CYS1: variants seen among roughly 807,000 people sequenced by gnomAD.
CYS1 encodes cystin 1.
CYS1 carries 5 observed loss-of-function variants against 9.6 expected under a neutral mutation model. The ratio of observed to expected loss-of-function variants is 0.52; its 90% confidence interval spans 0.27 to 1.10. CYS1 has a LOEUF of 1.10. Among genes scored for constraint, CYS1 ranks in the 50% least tolerant of loss-of-function variants. The pLI, the probability that CYS1 is intolerant of heterozygous loss-of-function variation, is 0.11. For synonymous variants in CYS1, 88 were observed against 95.7 expected (o/e 0.92, Z 0.47); for missense variants, 221 against 207.9 (o/e 1.06, Z -0.39).
At chr2:10,074,940 C>T (rs533705701) in intron 1 of CYS1, among the ~76,000 whole-genome samples, 30 of 152,124 alleles carry the variant, frequency 2.0e-4, no homozygotes, top group Middle Eastern at 3.4e-3. Context: ...GGCGAAACCC[C>T]GTCTCTACTA....
In CYS1 at chr2:10,063,502, C is replaced by T. The variant is rs1452704158; in HGVS notation, c.371+2402G>A. Among the ~76,000 whole-genome samples, 5 of 152,310 alleles carry T rather than the reference C, an allele frequency of 3.3e-5. No individual in the cohort carries two copies. Among genetic ancestry groups the T allele is most frequent in the East Asian group, 1.9e-4 (1 of 5,182 alleles). On this transcript the variant is annotated intron_variant, in intron 2 of 2. Transcript: ENST00000381813. The surrounding 1 kb of genome is among the most constrained non-coding windows in gnomAD (Gnocchi z 4.2). ...CAACTTTGCTATATTTACTTTATCA[C>T]GTACTTATTTACTTCTTCATCTGAT...
rs543453001 is a variant in CYS1 at position 10,069,063 on chromosome 2, G to GA, written c.319-3108dup. Among the ~76,000 whole-genome samples, 435 of 143,004 alleles carry GA rather than the reference G, an allele frequency of 3.0e-3. 2 individuals carry two copies. Among genetic ancestry groups the GA allele is most frequent in the African/African-American group, 9.2e-3 (361 of 39,158 alleles). 93.8% of individuals were successfully genotyped at this position (143,004 alleles called of 152,430 possible). On this transcript the variant is annotated intron_variant, in intron 1 of 2. Transcript: ENST00000381813. The stretch of plus-strand genomic sequence containing the variant: ...GGTGACAGAGCGAGGCTCTGTCTCA[G>GA]AAAAAAAAAAAATTAAATTTTAAAA...
intron 1 of CYS1, among the ~76,000 whole-genome samples, chr2:10,068,860 C>T (rs1034822919): frequency 3.3e-5 from 5 of 152,050 alleles, no homozygotes. Flanking sequence ...TCAGGAGTTC[C>T]AGACCAGCCT....
rs1461164036 is a variant in CYS1 at position 10,076,113 on chromosome 2, C to T, written c.318+3793G>A. ...CTGAGACAGGAGAATTGCTTGAATC[C>T]TGGAGGCAGAGGTTGCAGTGAGCCG... On this transcript the variant is annotated intron_variant, in intron 1 of 2. Coordinates refer to ENST00000381813, the MANE Select transcript of CYS1 (RefSeq NM_001037160.3). The surrounding 1 kb of genome is among the most constrained non-coding windows in gnomAD (Gnocchi z 4.3). Among the ~76,000 whole-genome samples the T allele has an allele frequency of 1.3e-5, 2 of 152,164 alleles. No individual in the cohort carries two copies. Among genetic ancestry groups the T allele is most frequent in the Non-Finnish European group, 2.9e-5 (2 of 68,042 alleles).
At chr2:10,078,534 A>C (rs1661892153) in intron 1 of CYS1, among the ~76,000 whole-genome samples, 1 of 152,252 alleles carries the variant, frequency 6.6e-6, no homozygotes, top group Non-Finnish European at 1.5e-5. Flanking sequence ...GACATTAGGC[A>C]TGAGGTTCTC....
At chr2:10,074,469 C>T (rs1175538647) in intron 1 of CYS1, among the ~76,000 whole-genome samples, 3 of 152,146 alleles carry the variant, frequency 2.0e-5, no homozygotes, top group African/African-American at 4.8e-5. Flanking sequence ...CAACCTCCCC[C>T]GCCACTGTGG....
Position 10,080,265 on chromosome 2 carries a change from GAGGGGGCGCGGCCGGGGGCGGGGACGCT to G in CYS1, c.-70_-43del. 9.8e-7 allele frequency: 1 copy of G among 1,019,928 alleles called. No individual in the cohort carries two copies. Among genetic ancestry groups the G allele is most frequent in the Non-Finnish European group, 1.2e-6 (1 of 853,238 alleles). 63.2% of individuals were successfully genotyped at this position (1,019,928 alleles called of 1,614,324 possible). On this transcript the variant is annotated 5_prime_UTR_variant, in exon 1 of 3. Coordinates refer to ENST00000381813, the MANE Select transcript of CYS1 (RefSeq NM_001037160.3). This position sits in a 1 kb window ranked among gnomAD's most constrained non-coding sequence, Gnocchi z 6.4. ...CCCGGACCGCCGAGGGGGCCCCCATGAGGGGGCGCGGCCGGGGGCGGGGACGCTAGGGGGTGCGGCCGGGGCGGGCTGC... is the reference window on the plus strand; with the variant it reads ...CCCGGACCGCCGAGGGGGCCCCCATGAGGGGGTGCGGCCGGGGCGGGCTGC...
At chr2:10,066,039 G>A (rs756790430) in intron 1 of CYS1, 83 bp from the exon 2 acceptor site, 217 of 1,465,832 alleles carry the variant, frequency 1.5e-4, no homozygotes, top group Non-Finnish European at 1.9e-4. Flanking sequence ...GTGGACAGAC[G>A]ATGGCCACCA....
intron 1 of CYS1, among the ~76,000 whole-genome samples, chr2:10,071,584 A>C (rs1242409327): frequency 2.0e-5 from 3 of 152,150 alleles, no homozygotes; most frequent in Middle Eastern, 3.2e-3. Context: ...TCTGTGCCTG[A>C]GATTTTATTG....
intron 1 of CYS1, among the ~76,000 whole-genome samples, chr2:10,072,799 C>T (rs1192291987): frequency 6.6e-6 from 1 of 152,234 alleles, no homozygotes; most frequent in African/African-American, 2.4e-5. Flanking sequence ...TCCCAGTGCC[C>T]TGGGGAAGCT....
chr2:10,064,616 C>A (rs190775920), intron 2 of CYS1, among the ~76,000 whole-genome samples: 1 of 152,208 alleles, frequency 6.6e-6, no homozygotes, highest in Non-Finnish European at 1.5e-5. Flanking sequence ...CCTCCTACCA[C>A]CCCCACCTGT....
At chr2:10,062,358 A>C (rs1472795378) in intron 2 of CYS1, among the ~76,000 whole-genome samples, 1 of 151,932 alleles carries the variant, frequency 6.6e-6, no homozygotes, top group Admixed American at 6.6e-5. Context: ...TGAGGCAAGA[A>C]CATTTGTGTT....
chr2:10,064,827 C>T (rs1171113889), intron 2 of CYS1, among the ~76,000 whole-genome samples: 2 of 151,994 alleles, frequency 1.3e-5, no homozygotes, highest in African/African-American at 4.8e-5. Flanking sequence ...AAGTGATTCT[C>T]CTGCCTTAGC....
intron 1 of CYS1, among the ~76,000 whole-genome samples, chr2:10,069,689 T>A (rs547216638): frequency 2.2e-4 from 33 of 151,786 alleles, no homozygotes; most frequent in South Asian, 1.9e-3. Flanking sequence ...TAAAAAAAAT[T>A]TTTTTTTTAA....
chr2:10,080,145 C>T lies in CYS1; in HGVS notation c.79G>A (p.Ala27Thr). 9.6e-7 allele frequency: 1 copy of T among 1,046,660 alleles called. No individual in the cohort carries two copies. The highest frequency in any genetic ancestry group is 1.1e-6 in the Non-Finnish European group (1 of 872,332). 64.8% of individuals were successfully genotyped at this position (1,046,660 alleles called of 1,614,324 possible). Reference protein sequence around the residue: ...SPESLPAGPGAAALEGGTRRR... With the variant: ...SPESLPAGPGTAALEGGTRRR... The stretch of plus-strand genomic sequence containing the variant: ...CGGGTCCCGCCCTCCAGGGCTGCCG[C>T]TCCGGGCCCCGCGGGGAGGCTCTCG... Residue 27 changes from alanine to threonine, a missense_variant, in exon 1 of 3, where the codon GCG becomes ACG. By Grantham distance (58) the Ala-to-Thr change is moderately conservative. Coordinates refer to ENST00000381813, the MANE Select transcript of CYS1 (RefSeq NM_001037160.3). This position sits in a 1 kb window ranked among gnomAD's most constrained non-coding sequence, Gnocchi z 6.4.
At chr2:10,059,015 AT>A (rs1376783153) in intron 2 of CYS1, 57 bp from the exon 3 acceptor site, 1 of 1,478,178 alleles carries the variant, frequency 6.8e-7, no homozygotes, top group Non-Finnish European at 9.2e-7. Flanking sequence ...GTTCACACTC[AT>A]TTCCCCTGGC....
chr2:10,068,087 G>C (rs1176515317), intron 1 of CYS1, among the ~76,000 whole-genome samples: 1 of 152,080 alleles, frequency 6.6e-6, no homozygotes, highest in Non-Finnish European at 1.5e-5. Flanking sequence ...CCATCTCACT[G>C]ATCCTCTCTT....
chr2:10,070,341 T>C (rs1170936052), intron 1 of CYS1, among the ~76,000 whole-genome samples: 1 of 152,206 alleles, frequency 6.6e-6, no homozygotes, highest in African/African-American at 2.4e-5. Flanking sequence ...GAACCTGTTT[T>C]ATTTTTATTT....
At chr2:10,066,494 T>A (rs1172322339) in intron 1 of CYS1, among the ~76,000 whole-genome samples, 2 of 152,202 alleles carry the variant, frequency 1.3e-5, no homozygotes, top group South Asian at 4.1e-4. Context: ...TTTCTCTTCA[T>A]AAGGCCAGGA....
Sources: gnomAD v4.1 joint callset for allele counts (sites outside exome capture counted in the v4.1 genomes callset) on GRCh38, gnomAD v4.1.1 for gene constraint, Gnocchi (gnomAD v3.1) non-coding constraint, MANE v1.5 for transcripts, NCBI Gene and HGNC (gene_info 2026-07-23, HGNC 2026-07-21) for gene names.